LUZP2: variants seen among roughly 807,000 people sequenced by gnomAD.
LUZP2 encodes the protein leucine zipper protein 2.
In LUZP2, 52 loss-of-function variants were observed where a neutral mutation model predicts 51.6. The ratio of observed to expected loss-of-function variants is 1.01; its 90% CI spans 0.81 to 1.27. LUZP2 has a LOEUF of 1.27. LUZP2 is among the 50% of genes most tolerant of loss of function. LUZP2 has a pLI of 0.00. For synonymous variants in LUZP2, 154 were observed against 137.3 expected, an observed-to-expected ratio of 1.12 and a Z score of -0.85; for missense variants, 436 against 395.4, an observed-to-expected ratio of 1.10 and a Z score of -0.87.
At chr11:24,773,717 G>A (rs887960216) in intron 5 of LUZP2, among the ~76,000 whole-genome samples, 2 of 152,092 alleles carry the variant, frequency 1.3e-5, no homozygotes, top group Non-Finnish European at 2.9e-5. Context: ...TGTCTCAGTA[G>A]CATTTAAAAT....
At chr11:24,572,494 T>C (rs1274134155) in intron 1 of LUZP2, among the ~76,000 whole-genome samples, 1 of 152,054 alleles carries the variant, frequency 6.6e-6, no homozygotes, top group Admixed American at 6.6e-5. Flanking sequence ...AATATAGTAC[T>C]ACTCAAAGTA....
At chr11:24,769,386 T>C (rs1432452466) in intron 5 of LUZP2, among the ~76,000 whole-genome samples, 1 of 152,140 alleles carries the variant, frequency 6.6e-6, no homozygotes, top group African/African-American at 2.4e-5. Flanking sequence ...AAAGAGGATT[T>C]TGAATGTTCT....
At chr11:24,518,739 T>C (rs1007620596) in intron 1 of LUZP2, among the ~76,000 whole-genome samples, 5 of 152,210 alleles carry the variant, frequency 3.3e-5, no homozygotes, top group Non-Finnish European at 2.9e-5. Context: ...GAAAAAGAAT[T>C]TGGAGGAAAG....
chr11:24,719,242 T>C (rs576238658), intron 1 of LUZP2, among the ~76,000 whole-genome samples: 3 of 152,228 alleles, frequency 2.0e-5, no homozygotes, highest in Non-Finnish European at 4.4e-5. Context: ...AGTGAGAACC[T>C]GAACTAGGAT....
At chr11:24,708,481 G>A (rs552065244) in intron 1 of LUZP2, among the ~76,000 whole-genome samples, 4 of 152,098 alleles carry the variant, frequency 2.6e-5, no homozygotes, top group East Asian at 3.9e-4. Context: ...ATGTTGCCCC[G>A]AAAAGCAGAT....
intron 1 of LUZP2, among the ~76,000 whole-genome samples, chr11:24,616,788 C>G (rs899774307): frequency 1.3e-5 from 2 of 152,106 alleles, no homozygotes; most frequent in Non-Finnish European, 2.9e-5. Flanking sequence ...TGGTTTACAT[C>G]TCCTGCCTTT....
chr11:24,955,864 A>G (rs1020148282), intron 7 of LUZP2, among the ~76,000 whole-genome samples: 8 of 152,094 alleles, frequency 5.3e-5, no homozygotes, highest in Admixed American at 2.6e-4. Flanking sequence ...ACAATAAGAA[A>G]TCACTGAAGT....
chr11:24,999,368 G>T (rs1856607958), intron 9 of LUZP2, among the ~76,000 whole-genome samples: 1 of 151,224 alleles, frequency 6.6e-6, no homozygotes, highest in Non-Finnish European at 1.5e-5. Flanking sequence ...GGAGGAAGAG[G>T]AGGAAGGAGG....
intron 1 of LUZP2, among the ~76,000 whole-genome samples, chr11:24,542,586 A>G (rs2133721532): frequency 6.6e-6 from 1 of 152,180 alleles, no homozygotes; most frequent in South Asian, 2.1e-4. Flanking sequence ...ACAGTGGGGT[A>G]GATCTTTAAT....
At chr11:24,850,098 C>A (rs1285990142) in intron 5 of LUZP2, among the ~76,000 whole-genome samples, 12 of 152,128 alleles carry the variant, frequency 7.9e-5, no homozygotes, top group Non-Finnish European at 1.8e-4. Flanking sequence ...ATGATAGTTT[C>A]TTTTGCTGTG....
chr11:25,071,520 T>C (rs991944900), intron 10 of LUZP2, among the ~76,000 whole-genome samples: 2 of 152,066 alleles, frequency 1.3e-5, no homozygotes, highest in African/African-American at 4.8e-5. Context: ...AACTTATCAA[T>C]GAAGCACCTA....
At chr11:24,910,227 A>G (rs1853582198) in intron 6 of LUZP2, among the ~76,000 whole-genome samples, 1 of 152,144 alleles carries the variant, frequency 6.6e-6, no homozygotes, top group Non-Finnish European at 1.5e-5. Context: ...AGTTTGGAAA[A>G]TTTGCATACT....
chr11:24,963,489 C>T lies in LUZP2; in HGVS notation c.523-13102C>T, dbSNP rs1231485233. 2.0e-5 allele frequency among the ~76,000 whole-genome samples: 3 copies of T among 152,202 alleles called. No homozygotes were observed. In the South Asian group the frequency reaches 6.2e-4, roughly 32 times the overall value. On this transcript the variant is annotated intron_variant, in intron 7 of 11. Coordinates refer to ENST00000336930, the MANE Select transcript of LUZP2 (RefSeq NM_001009909.4). ...CAATGGCGGGTGCCCCTCCCCCAGC[C>T]CCGCTGCTGCCTTGCAGTTTAATCT...
chr11:24,958,856 T>A (rs561093844), intron 7 of LUZP2, among the ~76,000 whole-genome samples: 186 of 152,060 alleles, frequency 1.2e-3, no homozygotes, highest in African/African-American at 3.3e-3. Context: ...GGTAATGACT[T>A]GGTTTTCTTC....
intron 1 of LUZP2, among the ~76,000 whole-genome samples, chr11:24,569,542 T>C (rs1852357823): frequency 6.6e-6 from 1 of 152,002 alleles, no homozygotes. Flanking sequence ...ACAATTCTCT[T>C]TCATCAGATA....
chr11:24,729,728 T>C (rs1858643540), intron 2 of LUZP2, among the ~76,000 whole-genome samples: 1 of 151,986 alleles, frequency 6.6e-6, no homozygotes, highest in African/African-American at 2.4e-5. Context: ...AAAAACATCT[T>C]AACATACTGA....
chr11:25,075,043 AT>A (rs929671313), intron 10 of LUZP2, among the ~76,000 whole-genome samples: 5 of 152,224 alleles, frequency 3.3e-5, no homozygotes, highest in African/African-American at 1.2e-4. Context: ...CAATTAGTTA[AT>A]TTTTCGAAGG....
chr11:24,808,600 A>G (rs1366401297), intron 5 of LUZP2, among the ~76,000 whole-genome samples: 1 of 152,140 alleles, frequency 6.6e-6, no homozygotes, highest in Non-Finnish European at 1.5e-5. Context: ...CTTATATAAA[A>G]TTATTTTATA....
chr11:24,844,222 G>A (rs542151905), intron 5 of LUZP2, among the ~76,000 whole-genome samples: 2 of 152,278 alleles, frequency 1.3e-5, no homozygotes, highest in African/African-American at 4.8e-5. Flanking sequence ...TCCAGGCTGA[G>A]GTGGTCTCAG....
Sources: gnomAD v4.1 joint callset for allele counts (sites outside exome capture counted in the v4.1 genomes callset) on GRCh38, gnomAD v4.1.1 for gene constraint, MANE v1.5 for transcripts, NCBI Gene and HGNC (gene_info 2026-07-23, HGNC 2026-07-21) for gene names.